SLC12A9: variants seen among roughly 807,000 people sequenced by gnomAD.
SLC12A9 encodes CCC-interacting protein 1.
In SLC12A9, 55 loss-of-function variants were observed where a neutral mutation model predicts 66.0. The observed-to-expected ratio is 0.83, with a 90% confidence interval of 0.67 to 1.04. The LOEUF (loss-of-function observed/expected upper bound fraction) is 1.04. Ranked by LOEUF, SLC12A9 falls within the 50% of genes least tolerant of loss-of-function variation. The pLI is 0.00. For missense variants in SLC12A9, 1,061 were observed against 1,241.9 expected (o/e 0.85, Z 2.19); for synonymous variants, 577 against 569.0 (o/e 1.01, Z -0.20).
chr7:100,855,635 G>T lies in SLC12A9; in HGVS notation c.317-71G>T. On this transcript the variant is annotated intron_variant, in intron 3 of 13. Coordinates refer to ENST00000354161, the MANE Select transcript of SLC12A9 (RefSeq NM_020246.4). ...CTGGCTGCACTTGGGTTCAGTGCTTGGAGCTATGGCAACTTCCTCACGTCC... is the reference window on the plus strand; with the variant it reads ...CTGGCTGCACTTGGGTTCAGTGCTTTGAGCTATGGCAACTTCCTCACGTCC... 5.0e-6 allele frequency: 8 copies of T among 1,604,414 alleles called. No individual in the cohort carries two copies. In the South Asian group the frequency reaches 8.9e-5, roughly 18 times the overall value.
intron 1 of SLC12A9, among the ~76,000 whole-genome samples, chr7:100,831,568 C>G (rs1326879073): frequency 6.6e-6 from 1 of 152,200 alleles, no homozygotes; most frequent in African/African-American, 2.4e-5. Context: ...GCCTTGACCT[C>G]CTGGGCTCGA....
intron 1 of SLC12A9, among the ~76,000 whole-genome samples, chr7:100,844,805 G>C (rs1449427520): frequency 6.6e-6 from 1 of 152,114 alleles, no homozygotes; most frequent in African/African-American, 2.4e-5. Flanking sequence ...CTTAGTTCGA[G>C]GAGAAGTTTA....
Position 100,860,206 on chromosome 7 carries a change from G to A in SLC12A9, c.1192G>A (p.Val398Ile). The part of the protein sequence containing the change: ...VSRGGNPWAA[V>I]LYSWGLVQLV... ...CCGAGGGGGAAACCCCTGGGCAGCT[G>A]TACTTTATTCTTGGGGCCTGGTGCA... Residue 398 changes from valine to isoleucine, a missense_variant, in exon 9 of 14, where the codon GTA becomes ATA. Physicochemically the swap from Val to Ile is conservative, Grantham distance 29. Coordinates refer to ENST00000354161, the MANE Select transcript of SLC12A9 (RefSeq NM_020246.4). 1 of 1,614,164 alleles carries A rather than the reference G, an allele frequency of 6.2e-7. No homozygotes were observed.
In SLC12A9 at chr7:100,861,637, CT is replaced by C; in HGVS notation, c.1536+54del. On this transcript the variant is annotated intron_variant, in intron 11 of 13. Transcript: ENST00000354161. The surrounding 1 kb of genome is among the most constrained non-coding windows in gnomAD (Gnocchi z 5.3). ...AAATGGGAGGTGGTCAAAGAACCCC[CT>C]CTCTCTTTGGCTGGAGTTGGTGCTC... 2 of 1,606,816 alleles carry C rather than the reference CT, an allele frequency of 1.2e-6. No individual in the cohort carries two copies. The highest frequency in any genetic ancestry group is 1.7e-5 in the Admixed American group (1 of 59,848).
rs975538806 is a variant in SLC12A9 at position 100,836,219 on chromosome 7, A to G, written n.228+9172A>G. 9.2e-5 allele frequency among the ~76,000 whole-genome samples: 14 copies of G among 152,252 alleles called. 2 individuals are homozygous for G. Among genetic ancestry groups the G allele is most frequent in the Admixed American group, 9.2e-4 (14 of 15,300 alleles). On this transcript the variant is annotated intron_variant and non_coding_transcript_variant, in intron 1 of 1. Coordinates refer to the SLC12A9 transcript ENST00000461016. Reference sequence around the variant, plus strand: ...TCTAGGAGGGAAAGTAAGAAGGACTATTTGTGGCTGGAGGCCAGGATACCG... The same window carrying G: ...TCTAGGAGGGAAAGTAAGAAGGACTGTTTGTGGCTGGAGGCCAGGATACCG...
rs1393426222 is a variant in SLC12A9, at chr7:100,856,916, G to A, written c.497G>A (p.Trp166Ter). 8.1e-6 allele frequency: 13 copies of A among 1,611,316 alleles called. No homozygotes were observed. The highest frequency in any genetic ancestry group is 1.1e-5 in the Non-Finnish European group (13 of 1,179,752). ...CGGGTCCTGCCCCAGGGCTACGGCT[G>A]GAACCTGCTGTATGGCTCCCTGCTG... ...GLRVLPQGYG[W>*]NLLYGSLLLG... Residue 166 changes from tryptophan (W) to a stop codon, truncating the protein, a stop_gained, in exon 5 of 14, where the codon TGG (tryptophan) becomes TAG (stop). Coordinates refer to ENST00000354161, the MANE Select transcript of SLC12A9 (RefSeq NM_020246.4). LOFTEE classifies it high-confidence loss of function.
chr7:100,865,867 C>G lies in SLC12A9; in HGVS notation c.2007C>G (p.Pro669=), dbSNP rs1194425084. 6.2e-7 allele frequency: 1 copy of G among 1,613,636 alleles called. No individual in the cohort carries two copies. Among genetic ancestry groups the G allele is most frequent in the African/African-American group, 1.3e-5 (1 of 74,940 alleles). ...CTCTGAGCACCCTGTTCCCTCCTCC[C>G]CGGGCTCCTGGGAGCCCCCGGGCCC... ...SPALSTLFPP[P]RAPGSPRALN... is the part of the protein sequence containing the mutation. The change falls in exon 14 of 14, where the codon CCC becomes CCG. Residue 669 remains proline, a synonymous_variant. Transcript: ENST00000354161.
chr7:100,830,244 C>T (rs777752612), intron 1 of SLC12A9, among the ~76,000 whole-genome samples: 5 of 149,544 alleles, frequency 3.3e-5, no homozygotes, highest in Non-Finnish European at 5.9e-5. Flanking sequence ...CCCAGCTACT[C>T]GGGAGGCTGA....
At chr7:100,844,691 C>T (rs528793971) in intron 1 of SLC12A9, among the ~76,000 whole-genome samples, 1 of 151,990 alleles carries the variant, frequency 6.6e-6, no homozygotes, top group Non-Finnish European at 1.5e-5. Context: ...ACAATGTAAC[C>T]CTTTAGAGCT....
chr7:100,866,664 T>A lies in SLC12A9; in HGVS notation c.*59T>A. The A allele has an allele frequency of 7.1e-7, 1 of 1,416,630 alleles. No homozygotes were observed. The highest frequency in any genetic ancestry group is 9.3e-7 in the Non-Finnish European group (1 of 1,079,124). 87.8% of individuals were successfully genotyped at this position (1,416,630 alleles called of 1,614,324 possible). On this transcript the variant is annotated 3_prime_UTR_variant, in exon 14 of 14. Transcript: ENST00000354161. The surrounding 1 kb of genome is among the most constrained non-coding windows in gnomAD (Gnocchi z 7.3). ...CAGGCAGGCGGCCTATCCTGATCCT[T>A]GGAGGAGGAGGAAGAGGAGGCCACT...
At chr7:100,847,300 G>A (rs1344180212) in intron 1 of SLC12A9, among the ~76,000 whole-genome samples, 6 of 152,340 alleles carry the variant, frequency 3.9e-5, no homozygotes, top group South Asian at 2.1e-4. Context: ...GCGCCCAGCC[G>A]GGAGATGCTG....
At chr7:100,855,314 A>C in intron 3 of SLC12A9, 2 of 270,206 alleles carry the variant, frequency 7.4e-6, no homozygotes, top group Non-Finnish European at 1.4e-5. Flanking sequence ...TAGAGATGGA[A>C]TCTTGCTATG....
Position 100,861,251 on chromosome 7 carries a change from C to T in SLC12A9, c.1332C>T (p.Ala444=). The T allele has an allele frequency of 6.2e-7, 1 of 1,614,178 alleles. No individual in the cohort carries two copies. Among genetic ancestry groups the T allele is most frequent in the Non-Finnish European group, 8.5e-7 (1 of 1,180,030 alleles). Residue 444 remains alanine (A), a synonymous_variant, in exon 10 of 14, where the codon GCC becomes GCT. Transcript: ENST00000354161. The surrounding 1 kb of genome is among the most constrained non-coding windows in gnomAD (Gnocchi z 5.3). ...GCCTGAGCCTGGAGTGGGCCTCGGC[C>T]CCCAACTTCCGGTGAGAGACTCAGA... ...LSCLSLEWAS[A]PNFRPTFSLF...
chr7:100,834,618 C>A (rs966912550), intron 1 of SLC12A9, among the ~76,000 whole-genome samples: 3 of 152,050 alleles, frequency 2.0e-5, no homozygotes, highest in African/African-American at 7.2e-5. Flanking sequence ...TGCGGTGGCT[C>A]ACACCTAGAA....
intron 1 of SLC12A9, among the ~76,000 whole-genome samples, chr7:100,830,657 C>T (rs900227270): frequency 6.6e-5 from 10 of 151,854 alleles, no homozygotes; most frequent in Non-Finnish European, 7.4e-5. Flanking sequence ...GCATCTACTA[C>T]GTGCCGAGTG....
At chr7:100,847,940 G>T (rs1813953087), upstream of SLC12A9, among the ~76,000 whole-genome samples, 1 of 151,872 alleles carries the variant, frequency 6.6e-6, no homozygotes, top group Non-Finnish European at 1.5e-5. Context: ...ACAAAAATGA[G>T]CCAGGCATGG....
At chr7:100,849,682 T>C (rs1489621643), upstream of SLC12A9, among the ~76,000 whole-genome samples, 1 of 150,642 alleles carries the variant, frequency 6.6e-6, no homozygotes, top group East Asian at 2.0e-4. Context: ...GCCACTGCCC[T>C]ACAGCCTTGG....
chr7:100,865,333 G>T (rs1815004835), intron 13 of SLC12A9: 1 of 1,535,858 alleles, frequency 6.5e-7, no homozygotes, highest in Non-Finnish European at 8.7e-7. Context: ...GAGCTTGGCT[G>T]ATCAGGGTGT....
intron 1 of SLC12A9, among the ~76,000 whole-genome samples, chr7:100,846,886 G>A (rs1470923330): frequency 6.6e-6 from 1 of 152,170 alleles, no homozygotes; most frequent in Non-Finnish European, 1.5e-5. Flanking sequence ...AATCGGTTAT[G>A]TTATCTATAG....
Sources: allele counts gnomAD v4.1 joint callset (sites outside exome capture counted in the v4.1 genomes callset), GRCh38; gene constraint gnomAD v4.1.1; non-coding constraint Gnocchi (gnomAD v3.1); transcripts MANE v1.5; gene names NCBI Gene and HGNC (gene_info 2026-07-23, HGNC 2026-07-21).